Variants in COL24A1 observed in about 807,000 individuals in gnomAD.
COL24A1 encodes the protein collagen type XXIV alpha 1 chain.
A neutral mutation model predicts 253.9 loss-of-function variants in COL24A1; 224 were observed. The observed-to-expected ratio is 0.88, with a 90% CI of 0.79 to 0.99. COL24A1 has a LOEUF of 0.99. COL24A1 is among the 50% of genes least tolerant of loss of function. The pLI is 0.00. For missense variants in COL24A1, 2,131 were observed against 2,068.5 expected (o/e 1.03, Z -0.59); for synonymous variants, 685 against 673.7 (o/e 1.02, Z -0.26).
rs747465924 is a variant in COL24A1 at position 85,970,238 on chromosome 1, G to C, written c.2452C>G (p.Leu818Val). 1.9e-6 allele frequency: 3 copies of C among 1,590,054 alleles called. No homozygotes were observed. In the South Asian group the frequency reaches 3.5e-5, roughly 19 times the overall value. Residue 818 changes from leucine to valine, a missense_variant, in exon 22 of 60, where the codon CTG becomes GTG. Coordinates refer to ENST00000370571, the MANE Select transcript of COL24A1 (RefSeq NM_152890.7). The part of the protein sequence containing the change: ...EEGPIGAFGE[L>V]GPRGKPGQKG... ...TATATGATACCTACTCTTGGCCCCAGTTCCCCAAAGGCTCCAATTGGTCCT... is the reference window on the plus strand; with the variant it reads ...TATATGATACCTACTCTTGGCCCCACTTCCCCAAAGGCTCCAATTGGTCCT...
intron 32 of COL24A1, among the ~76,000 whole-genome samples, chr1:85,882,790 C>T (rs555377311): frequency 3.3e-5 from 5 of 152,240 alleles, no homozygotes; most frequent in East Asian, 1.9e-4. Flanking sequence ...GATGCTCCGT[C>T]GTCAGGTGCA....
intron 8 of COL24A1, among the ~76,000 whole-genome samples, chr1:86,062,057 A>C (rs1233230582): frequency 6.6e-6 from 1 of 152,100 alleles, no homozygotes; most frequent in East Asian, 1.9e-4. Context: ...AAATATATTT[A>C]AAAGTGGAAG....
At chr1:86,050,932 G>A (rs1480196513) in intron 10 of COL24A1, among the ~76,000 whole-genome samples, 1 of 152,076 alleles carries the variant, frequency 6.6e-6, no homozygotes, top group Non-Finnish European at 1.5e-5. Flanking sequence ...TAGTTTAGGG[G>A]CTAGATTAAG....
intron 2 of COL24A1, among the ~76,000 whole-genome samples, chr1:86,142,422 C>G (rs962288652): frequency 6.6e-6 from 1 of 151,354 alleles, no homozygotes; most frequent in African/African-American, 2.4e-5. Flanking sequence ...ACTCGGGAGG[C>G]TGAGGCAGGA....
At chr1:85,779,504 A>G (rs1265140521) in intron 52 of COL24A1, among the ~76,000 whole-genome samples, 1 of 152,180 alleles carries the variant, frequency 6.6e-6, no homozygotes, top group Non-Finnish European at 1.5e-5. Context: ...ACATAGAGAT[A>G]TAAGAGATAC....
At chr1:86,022,737 C>A in intron 16 of COL24A1, 96 bp downstream of exon 16, 2 of 1,239,796 alleles carry the variant, frequency 1.6e-6, no homozygotes, top group Non-Finnish European at 1.1e-6. Context: ...ACAAATTAGA[C>A]TCCATAAAAA....
chr1:85,758,377 C>T (rs960665108), intron 55 of COL24A1, among the ~76,000 whole-genome samples: 8 of 152,082 alleles, frequency 5.3e-5, no homozygotes, highest in Admixed American at 3.3e-4. Flanking sequence ...TGATTTTTAA[C>T]GATTGTTATT....
chr1:85,786,286 G>T, intron 48 of COL24A1, 68 bp downstream of exon 48: 1 of 1,328,720 alleles, frequency 7.5e-7, no homozygotes, highest in Non-Finnish European at 1.1e-6. Flanking sequence ...CTGTGATCTA[G>T]CCAATGAACT....
chr1:85,853,584 A>G (rs2102364628), intron 37 of COL24A1, among the ~76,000 whole-genome samples: 1 of 152,318 alleles, frequency 6.6e-6, no homozygotes, highest in African/African-American at 2.4e-5. Context: ...TTACATTCCC[A>G]CTAGCAGTGT....
chr1:86,075,127 A>G (rs1242590806), intron 7 of COL24A1, among the ~76,000 whole-genome samples: 1 of 152,184 alleles, frequency 6.6e-6, no homozygotes, highest in Non-Finnish European at 1.5e-5. Context: ...AAGATCAACA[A>G]AATAGATAGA....
At chr1:86,136,675 T>A (rs1043752486) in intron 2 of COL24A1, among the ~76,000 whole-genome samples, 2 of 152,040 alleles carry the variant, frequency 1.3e-5, no homozygotes, top group Non-Finnish European at 2.9e-5. Flanking sequence ...CTTTAAGGTC[T>A]CTGACTGCTC....
chr1:86,141,577 C>A (rs973948869), intron 2 of COL24A1, among the ~76,000 whole-genome samples: 5 of 152,182 alleles, frequency 3.3e-5, no homozygotes. Flanking sequence ...TCTCTACATG[C>A]CTTAGACATG....
intron 5 of COL24A1, among the ~76,000 whole-genome samples, chr1:86,102,659 G>T (rs1271401996): frequency 3.3e-5 from 5 of 152,148 alleles, no homozygotes; most frequent in Admixed American, 6.6e-5. Flanking sequence ...GCAGGAGAAG[G>T]TTATTTAATT....
intron 7 of COL24A1, among the ~76,000 whole-genome samples, chr1:86,066,188 G>A (rs1701463679): frequency 6.7e-6 from 1 of 149,738 alleles, no homozygotes; most frequent in Non-Finnish European, 1.5e-5. Context: ...CTGCAGACAG[G>A]ATTGAAATAA....
At chr1:86,095,958 T>A (rs1703865657) in intron 5 of COL24A1, among the ~76,000 whole-genome samples, 1 of 152,086 alleles carries the variant, frequency 6.6e-6, no homozygotes, top group Admixed American at 6.5e-5. Context: ...AGAGGACCCA[T>A]TAACATGTTA....
At position 85,850,794 on chromosome 1, in the gene COL24A1, T is replaced by A. The variant is rs186149512; in HGVS notation, c.3301-1388A>T. ...CAAAGACTAAGAGCAAATAAGAGAA[T>A]GCATGTAAACTTTAGAAAGGACTAG... is the stretch of plus-strand genomic sequence containing the variant. On this transcript the variant is annotated intron_variant, in intron 37 of 59. Transcript: ENST00000370571. 2.1e-3 allele frequency among the ~76,000 whole-genome samples: 315 copies of A among 152,184 alleles called. 10 individuals are homozygous for A. In the South Asian group the frequency reaches 0.052, roughly 25 times the overall value.
At chr1:86,063,355 C>CTGTGTGTGTG (rs1210005367) in intron 8 of COL24A1, among the ~76,000 whole-genome samples, 3 of 129,268 alleles carry the variant, frequency 2.3e-5, no homozygotes, top group African/African-American at 8.6e-5. Flanking sequence ...TTAAGTCTCT[C>CTGTGTGTGTG]TCTCTGTGTG....
At chr1:85,850,200 T>C (rs1457332918) in intron 37 of COL24A1, among the ~76,000 whole-genome samples, 1 of 152,162 alleles carries the variant, frequency 6.6e-6, no homozygotes, top group Non-Finnish European at 1.5e-5. Flanking sequence ...TAGGCTTAAG[T>C]GAGTTCCACA....
intron 19 of COL24A1, among the ~76,000 whole-genome samples, chr1:86,014,529 T>A (rs1272947210): frequency 2.0e-5 from 3 of 152,164 alleles, no homozygotes; most frequent in Non-Finnish European, 2.9e-5. Flanking sequence ...AATTTTCTAT[T>A]TCTCCTAAAG....
Sources: gnomAD v4.1 joint callset for allele counts (sites outside exome capture counted in the v4.1 genomes callset) on GRCh38, gnomAD v4.1.1 for gene constraint, MANE v1.5 for transcripts, NCBI Gene and HGNC (gene_info 2026-07-23, HGNC 2026-07-21) for gene names.